The following PDCD6IP variants were observed in gnomAD, a reference collection of about 807,000 sequenced individuals.
PDCD6IP encodes the protein programmed cell death 6-interacting protein.
Under a neutral mutation model 103.7 loss-of-function variants are expected in PDCD6IP, and 43 were observed. The ratio of observed to expected loss-of-function variants is 0.41; its 90% CI spans 0.32 to 0.53. The LOEUF is 0.53. PDCD6IP is among the 20% of genes least tolerant of loss of function. PDCD6IP has a pLI of 0.16. For missense variants in PDCD6IP, 871 were observed against 1,036.7 expected, an observed-to-expected ratio of 0.84 and a Z score of 2.20; for synonymous variants, 354 against 378.7, an observed-to-expected ratio of 0.93 and a Z score of 0.76.
intron 1 of PDCD6IP, among the ~76,000 whole-genome samples, chr3:33,805,097 C>A (rs1031692302): frequency 6.6e-6 from 1 of 152,178 alleles, no homozygotes; most frequent in Non-Finnish European, 1.5e-5. Flanking sequence ...TGGCTCATGC[C>A]TGTAATCCCA....
intron 16 of PDCD6IP, 78 bp from the exon 17 acceptor site, chr3:33,865,165 G>T (rs1698034997): frequency 1.4e-5 from 14 of 985,248 alleles, no homozygotes; most frequent in South Asian, 2.0e-5. Context: ...TTTCTCATAT[G>T]TCCTTATTAA....
intron 12 of PDCD6IP, among the ~76,000 whole-genome samples, chr3:33,850,712 C>G (rs938229150): frequency 2.6e-5 from 4 of 152,058 alleles, no homozygotes; most frequent in Admixed American, 2.6e-4. Flanking sequence ...TTATTCACAT[C>G]GTCTGATATC....
At chr3:33,851,921 C>A (rs1227961006) in intron 12 of PDCD6IP, among the ~76,000 whole-genome samples, 1 of 152,184 alleles carries the variant, frequency 6.6e-6, no homozygotes, top group Admixed American at 6.5e-5. Context: ...TCTGTCTTCA[C>A]CTCTGTTTCT....
At chr3:33,828,607 T>A in intron 6 of PDCD6IP, 1 of 273,524 alleles carries the variant, frequency 3.7e-6, no homozygotes, top group East Asian at 6.8e-5. Context: ...AAAACCTAAA[T>A]TGGCTTCAGT....
At chr3:33,843,878 T>C (rs890460694) in intron 10 of PDCD6IP, among the ~76,000 whole-genome samples, 1 of 62,752 alleles carries the variant, frequency 1.6e-5, no homozygotes, top group African/African-American at 8.3e-5. Context: ...TTATTCCTCC[T>C]TTTTTTTTTT....
chr3:33,842,833 C>T (rs1212434725), intron 10 of PDCD6IP, among the ~76,000 whole-genome samples: 1 of 152,122 alleles, frequency 6.6e-6, no homozygotes, highest in Non-Finnish European at 1.5e-5. Context: ...TCATTCTGTT[C>T]CAAGATCCAG....
Position 33,855,231 on chromosome 3 carries a change from A to T in PDCD6IP, c.2091A>T (p.Ala697=), listed in dbSNP as rs774648667. ...FQNKCSDIVF[A]RKTERDELLK... ...ACAAATGCAGTGATATAGTTTTTGC[A>T]CGGAAGACAGAAAGAGATGAACTCT... The change falls in exon 15 of 18, where the codon GCA becomes GCT. Residue 697 remains alanine (A), a synonymous_variant. Coordinates refer to ENST00000307296, the MANE Select transcript of PDCD6IP (RefSeq NM_013374.6). The T allele has an allele frequency of 5.6e-6, 9 of 1,607,982 alleles. No individual in the cohort carries two copies. The highest frequency in any genetic ancestry group is 1.7e-4 in the Middle Eastern group (1 of 6,044).
rs1223780660 is a variant in PDCD6IP at position 33,866,986 on chromosome 3, A to T, written c.*461A>T. ...AAGGCACTGTAAATCTTATAATTTT[A>T]AAATAAATTACTTAAGAACAGTTGT... On this transcript the variant is annotated 3_prime_UTR_variant, in exon 18 of 18. Transcript: ENST00000307296. 1 of 152,344 alleles carries T rather than the reference A, an allele frequency of 6.6e-6. No homozygotes were observed. Among genetic ancestry groups the T allele is most frequent in the African/African-American group, 2.4e-5 (1 of 41,468 alleles). The allele number at this position is 152,344 out of a possible 1,614,324, so 9.4% of individuals were successfully genotyped here.
chr3:33,822,196 G>A (rs1315519466), intron 4 of PDCD6IP, 114 bp downstream of exon 4: 3 of 1,046,016 alleles, frequency 2.9e-6, no homozygotes, highest in African/African-American at 3.2e-5. Flanking sequence ...TTTCTAAAAC[G>A]AATGCACTTT....
intron 6 of PDCD6IP, among the ~76,000 whole-genome samples, chr3:33,828,280 A>G (rs903703350): frequency 2.0e-5 from 3 of 152,194 alleles, no homozygotes; most frequent in Non-Finnish European, 4.4e-5. Context: ...TAGTGTATCT[A>G]TGATACTAAA....
intron 1 of PDCD6IP, among the ~76,000 whole-genome samples, chr3:33,806,647 A>G (rs1222082075): frequency 1.3e-5 from 2 of 152,208 alleles, no homozygotes; most frequent in Non-Finnish European, 2.9e-5. Context: ...CTACTTTGTT[A>G]GAGATACATC....
At chr3:33,822,215 A>G in intron 4 of PDCD6IP, 133 bp downstream of exon 4, 1 of 884,156 alleles carries the variant, frequency 1.1e-6, no homozygotes, top group South Asian at 1.7e-5. Context: ...TTTAAAATGA[A>G]TTTATTCTTA....
At chr3:33,810,536 A>G (rs1481084170) in intron 1 of PDCD6IP, among the ~76,000 whole-genome samples, 1 of 152,198 alleles carries the variant, frequency 6.6e-6, no homozygotes, top group Non-Finnish European at 1.5e-5. Context: ...AGGTGTGCTT[A>G]TTGCTACTGT....
At chr3:33,828,288 A>G (rs1697172773) in intron 6 of PDCD6IP, among the ~76,000 whole-genome samples, 1 of 152,218 alleles carries the variant, frequency 6.6e-6, no homozygotes, top group Non-Finnish European at 1.5e-5. Flanking sequence ...CTATGATACT[A>G]AATCATTTTT....
chr3:33,852,364 T>G, intron 12 of PDCD6IP, 124 bp from the exon 13 acceptor site: 1 of 1,413,424 alleles, frequency 7.1e-7, no homozygotes, highest in Non-Finnish European at 9.3e-7. Flanking sequence ...TCAATTTATA[T>G]TTGGCTCTCT....
chr3:33,822,232 A>C, intron 4 of PDCD6IP, 150 bp downstream of exon 4: 1 of 804,978 alleles, frequency 1.2e-6, no homozygotes, highest in Admixed American at 2.5e-5. Flanking sequence ...CTTACTGTTA[A>C]AGCCCTTAGA....
chr3:33,834,466 A>G (rs1000105852), intron 7 of PDCD6IP, among the ~76,000 whole-genome samples: 4 of 152,186 alleles, frequency 2.6e-5, no homozygotes, highest in African/African-American at 9.7e-5. Flanking sequence ...AATTTGTGCA[A>G]TTTCCCGTTT....
At chr3:33,822,103 T>C (rs1208967404) in intron 4 of PDCD6IP, 21 bp downstream of exon 4, 5 of 1,611,120 alleles carry the variant, frequency 3.1e-6, no homozygotes, top group African/African-American at 1.3e-5. Flanking sequence ...AAGTAGTTAC[T>C]ACAATAATGG....
chr3:33,801,121 A>G (rs1002471193), intron 1 of PDCD6IP, among the ~76,000 whole-genome samples: 4 of 152,184 alleles, frequency 2.6e-5, no homozygotes, highest in Non-Finnish European at 5.9e-5. Flanking sequence ...GGGTTAGGGT[A>G]AGCTTGGAGA....
Sources: gnomAD v4.1 joint callset for allele counts (sites outside exome capture counted in the v4.1 genomes callset) on GRCh38, gnomAD v4.1.1 for gene constraint, MANE v1.5 for transcripts, NCBI Gene and HGNC (gene_info 2026-07-23, HGNC 2026-07-21) for gene names.